Variants in METTL15 observed in about 807,000 individuals in gnomAD.
METTL15 encodes the protein 12S rRNA N(4)-cytidine methyltransferase METTL15.
In METTL15, 34 loss-of-function variants were observed where a neutral mutation model predicts 38.3. The ratio of observed to expected loss-of-function variants is 0.89; its 90% CI spans 0.68 to 1.18. METTL15 has a LOEUF of 1.18. Ranked by LOEUF, METTL15 falls within the 50% of genes most tolerant of loss-of-function variation. The probability of loss-of-function intolerance (pLI) is 0.00; values close to 1 mark genes in which losing one functional copy is unlikely to be tolerated. For synonymous variants in METTL15, 162 were observed against 170.9 expected, an observed-to-expected ratio of 0.95 and a Z score of 0.41; for missense variants, 438 against 498.4, an observed-to-expected ratio of 0.88 and a Z score of 1.15.
intron 6 of METTL15, among the ~76,000 whole-genome samples, chr11:28,313,857 G>T (rs1409572624): frequency 6.6e-6 from 1 of 152,038 alleles, no homozygotes; most frequent in East Asian, 1.9e-4. Context: ...TTTTTGGAAG[G>T]TGGATATTTT....
chr11:28,512,270 C>G (rs1367081361), intron 6 of METTL15, among the ~76,000 whole-genome samples: 4 of 152,234 alleles, frequency 2.6e-5, no homozygotes, highest in African/African-American at 9.6e-5. Context: ...TCTGGCTTCA[C>G]CCAAGTGGAT....
intron 6 of METTL15, among the ~76,000 whole-genome samples, chr11:28,456,643 T>C (rs919778502): frequency 5.3e-5 from 8 of 152,050 alleles, no homozygotes; most frequent in African/African-American, 1.7e-4. Flanking sequence ...GGCTTCACCA[T>C]GTTGGCCAGG....
chr11:28,358,822 T>G (rs1489706247), intron 4 of METTL15, among the ~76,000 whole-genome samples: 1 of 152,214 alleles, frequency 6.6e-6, no homozygotes, highest in Non-Finnish European at 1.5e-5. Flanking sequence ...ATAAATAAAC[T>G]GTAGAAACCA....
At chr11:28,296,664 G>T in intron 5 of METTL15, 89 bp from the exon 6 acceptor site, 1 of 1,374,732 alleles carries the variant, frequency 7.3e-7, no homozygotes, top group Non-Finnish European at 1.0e-6. Flanking sequence ...ATGTGTGTGT[G>T]TCTGACTTTA....
intron 6 of METTL15, among the ~76,000 whole-genome samples, chr11:28,442,508 CA>C (rs1564932661): frequency 6.6e-6 from 1 of 152,012 alleles, no homozygotes; most frequent in Non-Finnish European, 1.5e-5. Context: ...AACACGTATA[CA>C]CAGAATTTAG....
chr11:28,529,003 G>A (rs1377233878), downstream of METTL15, among the ~76,000 whole-genome samples: 1 of 152,168 alleles, frequency 6.6e-6, no homozygotes, highest in Non-Finnish European at 1.5e-5. Flanking sequence ...TACCTCAGGT[G>A]TAATGGCTTA....
Position 28,330,486 on chromosome 11 carries a change from T to A in METTL15, c.869T>A (p.Ile290Lys), listed in dbSNP as rs1397880823. The change falls in exon 7 of 7, where the codon ATA (isoleucine) becomes AAA (lysine). Residue 290 changes from isoleucine (I) to lysine (K), a missense_variant. Coordinates refer to ENST00000407364, the MANE Select transcript of METTL15 (RefSeq NM_001113528.2). ...ACCAAGACTTTCCAGGCTCTTCGCA[T>A]ATTTGTGAACAATGAGCTCAATGAA... ...IATKTFQALRIFVNNELNELY... is the reference protein window; with the variant it reads ...IATKTFQALRKFVNNELNELY... 2.2e-5 allele frequency: 34 copies of A among 1,551,456 alleles called. No individual in the cohort carries two copies. Among genetic ancestry groups the A allele is most frequent in the Non-Finnish European group, 3.0e-5 (34 of 1,146,884 alleles).
chr11:28,471,377 A>G (rs1034242213), intron 6 of METTL15, among the ~76,000 whole-genome samples: 5 of 152,170 alleles, frequency 3.3e-5, no homozygotes, highest in African/African-American at 1.2e-4. Context: ...TCATTGTGGG[A>G]CATCTTTAAA....
chr11:28,156,869 CAAAT>C (rs1307768086), intron 3 of METTL15, among the ~76,000 whole-genome samples: 2 of 152,082 alleles, frequency 1.3e-5, no homozygotes, highest in South Asian at 2.1e-4. Flanking sequence ...CCTTGAAACA[CAAAT>C]AAAGGCACAG....
chr11:28,334,574 A>G (rs1219007452), downstream of METTL15, among the ~76,000 whole-genome samples: 3 of 152,078 alleles, frequency 2.0e-5, no homozygotes, highest in Non-Finnish European at 4.4e-5. Context: ...CCACAATGCC[A>G]TATGTTTGAT....
intron 5 of METTL15, among the ~76,000 whole-genome samples, chr11:28,381,934 A>G (rs1389124973): frequency 4.7e-5 from 7 of 149,892 alleles, no homozygotes; most frequent in East Asian, 3.9e-4. Context: ...TTTTGTGTGG[A>G]TGTACATTTA....
At chr11:28,484,753 T>C (rs1851424334) in intron 6 of METTL15, among the ~76,000 whole-genome samples, 1 of 152,112 alleles carries the variant, frequency 6.6e-6, no homozygotes, top group East Asian at 1.9e-4. Flanking sequence ...GGGAATGCGA[T>C]CGTTTTGAGT....
At chr11:28,115,630 A>G (rs925261752) in intron 3 of METTL15, among the ~76,000 whole-genome samples, 12 of 152,204 alleles carry the variant, frequency 7.9e-5, no homozygotes, top group African/African-American at 2.7e-4. Flanking sequence ...GAGCAAAAAT[A>G]TTAAGAGAAT....
chr11:28,352,960 T>C (rs1850055105), intron 4 of METTL15, among the ~76,000 whole-genome samples: 1 of 152,202 alleles, frequency 6.6e-6, no homozygotes, highest in Non-Finnish European at 1.5e-5. Context: ...TGTTAAGAGA[T>C]GGTCAGATAT....
chr11:28,213,082 TGCGA>T (rs1852709886), intron 4 of METTL15, among the ~76,000 whole-genome samples: 1 of 152,208 alleles, frequency 6.6e-6, no homozygotes, highest in Non-Finnish European at 1.5e-5. Flanking sequence ...GGGACAGACC[TGCGA>T]CATGTATTCC....
At chr11:28,173,082 T>G (rs1290056157) in intron 3 of METTL15, among the ~76,000 whole-genome samples, 2 of 152,090 alleles carry the variant, frequency 1.3e-5, no homozygotes, top group Non-Finnish European at 2.9e-5. Flanking sequence ...TTGATATTTA[T>G]TTTTTAAAAA....
intron 2 of METTL15, among the ~76,000 whole-genome samples, chr11:28,111,256 A>T (rs1443158657): frequency 2.6e-5 from 4 of 152,218 alleles, no homozygotes; most frequent in Non-Finnish European, 4.4e-5. Context: ...AATGCAAGTG[A>T]TAGCGTTTTT....
At chr11:28,328,209 G>A (rs1427140046) in intron 6 of METTL15, 1 of 1,563,226 alleles carries the variant, frequency 6.4e-7, no homozygotes. Context: ...TGGACATCAT[G>A]TTCCTGAGAG....
chr11:28,430,884 C>T (rs1422660856), intron 6 of METTL15, among the ~76,000 whole-genome samples: 2 of 120,424 alleles, frequency 1.7e-5, no homozygotes, highest in Non-Finnish European at 3.6e-5. Context: ...GGCCAGCCGC[C>T]CCGTCCGGGA....
Sources: gnomAD v4.1 joint callset for allele counts (sites outside exome capture counted in the v4.1 genomes callset) on GRCh38, gnomAD v4.1.1 for gene constraint, MANE v1.5 for transcripts, NCBI Gene and HGNC (gene_info 2026-07-23, HGNC 2026-07-21) for gene names.